The following MSI2 variants were observed in gnomAD, a reference collection of about 807,000 sequenced individuals.
MSI2 encodes musashi RNA binding protein 2, also known as RNA-binding protein Musashi homolog 2.
In MSI2, 17 loss-of-function variants were observed where a neutral mutation model predicts 45.6. That is an observed-to-expected ratio of 0.37 (90% confidence interval 0.26 to 0.56). The LOEUF is 0.56. Ranked by LOEUF, MSI2 falls within the 20% of genes least tolerant of loss-of-function variation. The pLI is 0.77. For missense variants in MSI2, 293 were observed against 444.2 expected, an observed-to-expected ratio of 0.66 and a Z score of 3.06; for synonymous variants, 156 against 158.2, an observed-to-expected ratio of 0.99 and a Z score of 0.11.
intron 5 of MSI2, among the ~76,000 whole-genome samples, chr17:57,373,246 A>G (rs2143973216): frequency 6.6e-6 from 1 of 151,248 alleles, no homozygotes; most frequent in African/African-American, 2.4e-5. Context: ...AAAATCACCA[A>G]ATATTAGGTG....
At chr17:57,408,289 G>A (rs766358000) in intron 6 of MSI2, among the ~76,000 whole-genome samples, 1 of 152,164 alleles carries the variant, frequency 6.6e-6, no homozygotes, top group Non-Finnish European at 1.5e-5. Context: ...TTAGGCAAAG[G>A]CATCAGACAT....
intron 3 of MSI2, 123 bp from the exon 4 acceptor site, chr17:57,258,147 T>C (rs974638914): frequency 1.8e-4 from 125 of 709,932 alleles, no homozygotes; most frequent in Middle Eastern, 7.3e-4. Context: ...AGGAGGGGAG[T>C]GGGAGGTGGG....
At chr17:57,319,013 A>G (rs1464375252) in intron 5 of MSI2, among the ~76,000 whole-genome samples, 1 of 152,224 alleles carries the variant, frequency 6.6e-6, no homozygotes, top group East Asian at 1.9e-4. Context: ...GGGCCCTGAA[A>G]GGACAACTTT....
intron 11 of MSI2, among the ~76,000 whole-genome samples, chr17:57,665,053 C>T (rs1912264998): frequency 6.6e-6 from 1 of 152,242 alleles, no homozygotes; most frequent in Non-Finnish European, 1.5e-5. Flanking sequence ...TTGTGGCTGT[C>T]ACTGGTACCC....
chr17:57,600,001 C>T (rs1905692110), intron 8 of MSI2, among the ~76,000 whole-genome samples: 1 of 152,172 alleles, frequency 6.6e-6, no homozygotes, highest in African/African-American at 2.4e-5. Flanking sequence ...CAATTCCCCT[C>T]CTCTGAAGAA....
chr17:57,620,108 C>T (rs896141205), intron 9 of MSI2, among the ~76,000 whole-genome samples: 4 of 152,190 alleles, frequency 2.6e-5, no homozygotes, highest in East Asian at 1.9e-4. Context: ...CAGAGCAGGG[C>T]TCCAGCAAGG....
intron 7 of MSI2, among the ~76,000 whole-genome samples, chr17:57,547,453 G>T (rs1199340643): frequency 6.6e-6 from 1 of 152,090 alleles, no homozygotes; most frequent in Non-Finnish European, 1.5e-5. Flanking sequence ...TTGGGTGAGG[G>T]TTGTACAGTG....
At chr17:57,471,262 G>A (rs564752182) in intron 6 of MSI2, among the ~76,000 whole-genome samples, 1 of 147,298 alleles carries the variant, frequency 6.8e-6, no homozygotes, top group African/African-American at 2.5e-5. Flanking sequence ...ATCAACCTGC[G>A]GCATTTATGG....
chr17:57,565,129 G>T (rs961927739), intron 7 of MSI2, among the ~76,000 whole-genome samples: 3 of 152,222 alleles, frequency 2.0e-5, no homozygotes, highest in African/African-American at 7.2e-5. Flanking sequence ...GGTCTGACTT[G>T]AGAGCCAGGG....
intron 5 of MSI2, among the ~76,000 whole-genome samples, chr17:57,346,589 A>G (rs1177399492): frequency 6.6e-6 from 1 of 152,200 alleles, no homozygotes; most frequent in African/African-American, 2.4e-5. Flanking sequence ...AATCATTAGC[A>G]GAACATTTTG....
intron 5 of MSI2, among the ~76,000 whole-genome samples, chr17:57,371,823 T>C (rs998597270): frequency 2.0e-5 from 3 of 151,792 alleles, no homozygotes; most frequent in African/African-American, 7.3e-5. Flanking sequence ...AGAAGTGGAA[T>C]TTTGGGGTTA....
At chr17:57,575,151 T>G (rs2332938) in intron 7 of MSI2, among the ~76,000 whole-genome samples, 3 of 114,446 alleles carry the variant, frequency 2.6e-5, no homozygotes, top group East Asian at 2.9e-4. Context: ...TTTAACTCCC[T>G]CCCCCCGCCA....
intron 5 of MSI2, among the ~76,000 whole-genome samples, chr17:57,400,924 C>A (rs1010477355): frequency 1.3e-5 from 2 of 152,138 alleles, no homozygotes; most frequent in Non-Finnish European, 2.9e-5. Context: ...CGTATACCAG[C>A]ACCAAGCACA....
intron 5 of MSI2, among the ~76,000 whole-genome samples, chr17:57,312,386 T>C (rs1912470299): frequency 6.6e-6 from 1 of 152,126 alleles, no homozygotes; most frequent in Non-Finnish European, 1.5e-5. Context: ...GGTGTGGTGG[T>C]GTTTGAGAGG....
At chr17:57,396,022 C>T (rs1297523220) in intron 5 of MSI2, among the ~76,000 whole-genome samples, 1 of 152,172 alleles carries the variant, frequency 6.6e-6, no homozygotes, top group African/African-American at 2.4e-5. Context: ...CTTGGGGTTC[C>T]CACAGATGAG....
At chr17:57,468,899 C>G (rs768866021) in intron 6 of MSI2, among the ~76,000 whole-genome samples, 1 of 152,186 alleles carries the variant, frequency 6.6e-6, no homozygotes, top group Non-Finnish European at 1.5e-5. Context: ...AATCTTTTCC[C>G]TTCTGCTTTT....
At chr17:57,616,346 G>A (rs1907709590) in intron 9 of MSI2, 1 of 307,008 alleles carries the variant, frequency 3.3e-6, no homozygotes, top group Non-Finnish European at 6.0e-6. Flanking sequence ...TATAGGATAT[G>A]TTAGACTATT....
At chr17:57,344,043 A>G (rs1037586795) in intron 5 of MSI2, among the ~76,000 whole-genome samples, 5 of 152,224 alleles carry the variant, frequency 3.3e-5, no homozygotes, top group African/African-American at 1.2e-4. Context: ...TTGTCTTGCA[A>G]CGAAGAAGCA....
At chr17:57,412,634 A>T (rs1414427194) in intron 6 of MSI2, among the ~76,000 whole-genome samples, 1 of 152,206 alleles carries the variant, frequency 6.6e-6, no homozygotes, top group African/African-American at 2.4e-5. Context: ...GTCTCCTAGA[A>T]CCATTCAGTT....
Sources: gnomAD v4.1 joint callset for allele counts (sites outside exome capture counted in the v4.1 genomes callset) on GRCh38, gnomAD v4.1.1 for gene constraint, MANE v1.5 for transcripts, NCBI Gene and HGNC (gene_info 2026-07-23, HGNC 2026-07-21) for gene names.